Variants in KLRG1 observed in about 807,000 individuals in gnomAD.
KLRG1 encodes killer cell lectin like receptor G1, also known as killer cell lectin-like receptor subfamily G member 1.
KLRG1 carries 16 observed loss-of-function variants against 21.8 expected under a neutral mutation model. The observed-to-expected ratio is 0.73, with a 90% confidence interval of 0.50 to 1.11. The LOEUF is 1.11. KLRG1 is among the 50% of genes most tolerant of loss of function. KLRG1 has a pLI of 0.00. For synonymous variants in KLRG1, 69 were observed against 75.9 expected (o/e 0.91, Z 0.47); for missense variants, 173 against 218.3 (o/e 0.79, Z 1.31).
the KLRG1 span, chr12:9,028,149 CT>C: frequency 0.046 from 21,558 of 472,126 alleles, 42 homozygotes; most frequent in East Asian, 0.073. Context: ...TCGTCTTCTT[CT>C]TTTTTTTTTT....
chr12:9,048,479 C>T, the KLRG1 span, among the ~76,000 whole-genome samples: 1 of 152,024 alleles, frequency 6.6e-6, no homozygotes, highest in African/African-American at 2.4e-5. Flanking sequence ...TATTAGAAAA[C>T]CAAACCCAAC....
At chr12:8,965,544 C>A (rs1424337139) in intron 1 of KLRG1, among the ~76,000 whole-genome samples, 2 of 152,014 alleles carry the variant, frequency 1.3e-5, no homozygotes, top group African/African-American at 4.8e-5. Flanking sequence ...ACACCAATAA[C>A]AGACAAACAG....
At chr12:9,159,501 G>A in the KLRG1 span, among the ~76,000 whole-genome samples, 1 of 151,920 alleles carries the variant, frequency 6.6e-6, no homozygotes, top group Non-Finnish European at 1.5e-5. Flanking sequence ...CCTTTAAGAG[G>A]TGATTGGCTC....
At chr12:9,209,098 A>G in the KLRG1 span, among the ~76,000 whole-genome samples, 1 of 151,804 alleles carries the variant, frequency 6.6e-6, no homozygotes, top group Non-Finnish European at 1.5e-5. Flanking sequence ...TATTCTGGTG[A>G]TGAAAATACA....
chr12:8,971,971 C>A (rs890503118), intron 1 of KLRG1, among the ~76,000 whole-genome samples: 2 of 152,182 alleles, frequency 1.3e-5, no homozygotes, highest in African/African-American at 2.4e-5. Flanking sequence ...TTCACTCTGT[C>A]GATTGTTTCC....
the KLRG1 span, among the ~76,000 whole-genome samples, chr12:9,119,632 T>G: frequency 6.6e-6 from 1 of 152,198 alleles, no homozygotes; most frequent in Admixed American, 6.5e-5. Context: ...TGAATAAGTT[T>G]GAATGAAATA....
chr12:9,073,128 T>C, the KLRG1 span, among the ~76,000 whole-genome samples: 1 of 152,246 alleles, frequency 6.6e-6, no homozygotes. Context: ...TCTGTAAGTA[T>C]ATGTGGGACA....
chr12:9,151,941 A>G, the KLRG1 span, among the ~76,000 whole-genome samples: 1 of 152,018 alleles, frequency 6.6e-6, no homozygotes, highest in Admixed American at 6.6e-5. Context: ...ACCATATCCT[A>G]TCTTTCTTGG....
At chr12:9,159,395 G>C in the KLRG1 span, among the ~76,000 whole-genome samples, 3 of 152,106 alleles carry the variant, frequency 2.0e-5, no homozygotes, top group Non-Finnish European at 4.4e-5. Flanking sequence ...GTAGCTATAA[G>C]AATTAAATAA....
chr12:9,099,404 C>T, the KLRG1 span: 21 of 1,563,910 alleles, frequency 1.3e-5, no homozygotes, highest in African/African-American at 4.1e-5. Flanking sequence ...CAATTTTCAA[C>T]ATCATATTTT....
At chr12:8,994,074 T>A (rs1947058588) in intron 2 of KLRG1, among the ~76,000 whole-genome samples, 1 of 152,066 alleles carries the variant, frequency 6.6e-6, no homozygotes, top group Non-Finnish European at 1.5e-5. Context: ...TCTTTGATTG[T>A]TTGTTTTTGA....
chr12:9,202,380 G>T, the KLRG1 span: 2 of 1,614,132 alleles, frequency 1.2e-6, no homozygotes, highest in Admixed American at 3.3e-5. Flanking sequence ...TACTGGAAAA[G>T]TAGTTCTCCG....
At chr12:9,212,694 T>C in the KLRG1 span, among the ~76,000 whole-genome samples, 1 of 152,106 alleles carries the variant, frequency 6.6e-6, no homozygotes, top group East Asian at 1.9e-4. Flanking sequence ...GCAATAAAGT[T>C]TGCAGGAAAG....
At chr12:9,136,162 A>T in the KLRG1 span, among the ~76,000 whole-genome samples, 2 of 152,354 alleles carry the variant, frequency 1.3e-5, no homozygotes, top group African/African-American at 4.8e-5. Context: ...AGAATCTGCC[A>T]TGGCAACGGG....
At chr12:9,110,019 C>A in the KLRG1 span, 3 of 1,611,140 alleles carry the variant, frequency 1.9e-6, no homozygotes, top group East Asian at 2.2e-5. Context: ...TTGTGCGATG[C>A]GATTTCCTTT....
Position 8,954,339 on chromosome 12 carries a change from A to G in KLRG1, c.-156+4103A>G, listed in dbSNP as rs189106347. On this transcript the variant is annotated intron_variant, in intron 1 of 4. Coordinates refer to the KLRG1 transcript ENST00000539240. ...AGTTGCGGTTAGATTCTAATGTTCT[A>G]GTGTGTAACATAAGGACTATAGTTA... Among the ~76,000 whole-genome samples, 5 of 152,064 alleles carry G rather than the reference A, an allele frequency of 3.3e-5. No homozygotes were observed. In the East Asian group the frequency reaches 9.7e-4, roughly 29 times the overall value.
chr12:9,018,832 G>T, the KLRG1 span, among the ~76,000 whole-genome samples: 12 of 152,024 alleles, frequency 7.9e-5, no homozygotes, highest in African/African-American at 2.7e-4. Flanking sequence ...ACTACTAAAA[G>T]AAAACATTGA....
the KLRG1 span, among the ~76,000 whole-genome samples, chr12:9,213,339 T>C: frequency 6.6e-6 from 1 of 152,208 alleles, no homozygotes; most frequent in Non-Finnish European, 1.5e-5. Flanking sequence ...GGGGAATATA[T>C]ACAGGAGTGA....
the KLRG1 span, chr12:9,157,336 G>T: frequency 6.2e-7 from 1 of 1,613,702 alleles, no homozygotes; most frequent in East Asian, 2.2e-5. Context: ...GCAGAACAGG[G>T]CATTGCGAAC....
Sources: allele counts gnomAD v4.1 joint callset (sites outside exome capture counted in the v4.1 genomes callset), GRCh38; gene constraint gnomAD v4.1.1; transcripts MANE v1.5; gene names NCBI Gene and HGNC (gene_info 2026-07-23, HGNC 2026-07-21).